The following FBLN1 variants were observed in gnomAD, a reference collection of about 807,000 sequenced individuals.
FBLN1 encodes fibulin 1.
Under a neutral mutation model 89.7 loss-of-function variants are expected in FBLN1, and 34 were observed. That is an observed-to-expected ratio of 0.38 (90% CI 0.29 to 0.50). FBLN1 has a LOEUF of 0.50. Among genes scored for constraint, FBLN1 ranks in the 20% least tolerant of loss-of-function variants. The pLI, the probability that FBLN1 is intolerant of heterozygous loss-of-function variation, is 0.92. For missense variants in FBLN1, 777 were observed against 988.1 expected (o/e 0.79, Z 2.86); for synonymous variants, 393 against 391.3 (o/e 1.00, Z -0.05).
At chr22:45,518,153 G>GA (rs897982021) in intron 1 of FBLN1, among the ~76,000 whole-genome samples, 1 of 149,114 alleles carries the variant, frequency 6.7e-6, no homozygotes, top group African/African-American at 2.5e-5. Context: ...GAAAAAAAAA[G>GA]AAAATTTTTT....
rs972919276 is a variant in FBLN1 at position 45,600,225 on chromosome 22, T to C, written c.1973-82T>C. ...CTATGCCTCCTTCTAGCTCTGAAACTCCTCAAGGGAAACCATTTCCCAGAT... is the reference window on the plus strand; with the variant it reads ...CTATGCCTCCTTCTAGCTCTGAAACCCCTCAAGGGAAACCATTTCCCAGAT... On this transcript the variant is annotated intron_variant, in intron 16 of 16. Coordinates refer to ENST00000327858, the MANE Select transcript of FBLN1 (RefSeq NM_006486.3). 16 of 1,566,638 alleles carry C rather than the reference T, an allele frequency of 1.0e-5. No individual in the cohort carries two copies. In the South Asian group the frequency reaches 1.6e-4, roughly 15 times the overall value.
In FBLN1 at chr22:45,532,749, T is replaced by G; in HGVS notation, c.545-314T>G. On this transcript the variant is annotated intron_variant, in intron 5 of 16. Coordinates refer to ENST00000327858, the MANE Select transcript of FBLN1 (RefSeq NM_006486.3). This position sits in a 1 kb window ranked among gnomAD's most constrained non-coding sequence, Gnocchi z 4.2. ...CTTCCACGTGGAGCCCACACCCCCA[T>G]GTCTGTGACCGGCAGTGAGCTCTTC... The G allele has an allele frequency of 2.2e-6, 1 of 456,554 alleles. No individual in the cohort carries two copies. Among genetic ancestry groups the G allele is most frequent in the Non-Finnish European group, 4.1e-6 (1 of 246,098 alleles). 28.3% of individuals were successfully genotyped at this position (456,554 alleles called of 1,614,324 possible). A position where few individuals can be genotyped will look rare whatever the true frequency, so the allele number is the denominator to read the frequency against.
In FBLN1 at chr22:45,588,056, A is replaced by G. The variant is rs1247618273; in HGVS notation, c.1972+10948A>G. On this transcript the variant is annotated intron_variant, in intron 16 of 16. Coordinates refer to ENST00000327858, the MANE Select transcript of FBLN1 (RefSeq NM_006486.3). This position sits in a 1 kb window ranked among gnomAD's most constrained non-coding sequence, Gnocchi z 5.1. ...GCCTCTCTCATACACTTTTTATCCCAGAGGGTAGGAGTACACGAGAAACAA... is the reference window on the plus strand; with the variant it reads ...GCCTCTCTCATACACTTTTTATCCCGGAGGGTAGGAGTACACGAGAAACAA... 1.3e-5 allele frequency among the ~76,000 whole-genome samples: 2 copies of G among 152,202 alleles called. No individual in the cohort carries two copies. Among genetic ancestry groups the G allele is most frequent in the Non-Finnish European group, 2.9e-5 (2 of 68,034 alleles).
intron 14 of FBLN1, chr22:45,558,208 C>T (rs748831837): frequency 3.6e-5 from 24 of 658,730 alleles, no homozygotes; most frequent in Non-Finnish European, 5.4e-5. Context: ...TGCTCAAGCC[C>T]GATCACGTAT....
chr22:45,535,548 T>C (rs1383460265), intron 8 of FBLN1: 7 of 594,570 alleles, frequency 1.2e-5, no homozygotes, highest in South Asian at 1.9e-5. Flanking sequence ...TCTGCTGTTA[T>C]AGTCTAAAGC....
At chr22:45,555,041 AGGACCCGTCCCCGTCTCCACCGCAGGAG>A (rs2088763132) in intron 14 of FBLN1, among the ~76,000 whole-genome samples, 2 of 140,684 alleles carry the variant, frequency 1.4e-5, no homozygotes, top group African/African-American at 6.1e-5. Flanking sequence ...GCAGGAGGTT[AGGACCCGTCCCCGTCTCCACCGCAGGAG>A]GTTAGGACCC....
At position 45,557,087 on chromosome 22, in the gene FBLN1, T is replaced by A. The variant is rs1292974689; in HGVS notation, c.1697+6472T>A. Among the ~76,000 whole-genome samples the A allele has an allele frequency of 6.6e-6, 1 of 152,164 alleles. No homozygotes were observed. Among genetic ancestry groups the A allele is most frequent in the Non-Finnish European group, 1.5e-5 (1 of 68,030 alleles). On this transcript the variant is annotated intron_variant, in intron 14 of 16. Transcript: ENST00000327858. This position sits in a 1 kb window ranked among gnomAD's most constrained non-coding sequence, Gnocchi z 4.9. ...GTGACTTCAAAAGGCCATTCCACTA[T>A]CCTATCAATCTACCTGCTTCACGAC...
chr22:45,552,827 C>T (rs1602202897), intron 14 of FBLN1, among the ~76,000 whole-genome samples: 2 of 152,224 alleles, frequency 1.3e-5, no homozygotes, highest in East Asian at 1.9e-4. Flanking sequence ...TGTTACAGTC[C>T]TGCCCACACA....
rs1041233089 is a variant in FBLN1 at position 45,536,915 on chromosome 22, G to A, written c.922+1578G>A. 2.0e-5 allele frequency among the ~76,000 whole-genome samples: 3 copies of A among 152,208 alleles called. No homozygotes were observed. The highest frequency in any genetic ancestry group is 4.4e-5 in the Non-Finnish European group (3 of 68,034). ...GTGGGGTGCGGCCGGGGAGCTGGCCGGCCTGGGTTACTGGTTCTGGAAAGA... is the reference window on the plus strand; with the variant it reads ...GTGGGGTGCGGCCGGGGAGCTGGCCAGCCTGGGTTACTGGTTCTGGAAAGA... On this transcript the variant is annotated intron_variant, in intron 8 of 16. Transcript: ENST00000327858. The surrounding 1 kb of genome is among the most constrained non-coding windows in gnomAD (Gnocchi z 5.1).
rs1383246744 is a variant in FBLN1 at position 45,561,323 on chromosome 22, T to G, written c.1697+10708T>G. Among the ~76,000 whole-genome samples the G allele has an allele frequency of 6.6e-6, 1 of 151,050 alleles. No homozygotes were observed. Among genetic ancestry groups the G allele is most frequent in the African/African-American group, 2.4e-5 (1 of 41,076 alleles). On this transcript the variant is annotated intron_variant, in intron 14 of 16. Coordinates refer to ENST00000327858, the MANE Select transcript of FBLN1 (RefSeq NM_006486.3). The surrounding 1 kb of genome is among the most constrained non-coding windows in gnomAD (Gnocchi z 4.7). The stretch of plus-strand genomic sequence containing the variant: ...GAGGCTCAGTATCTGCTTCTGAAGC[T>G]GGGAGATGGAATCCCTGAGTTCATA...
chr22:45,536,969 G>A lies in FBLN1; in HGVS notation c.922+1632G>A, dbSNP rs1004880318. On this transcript the variant is annotated intron_variant, in intron 8 of 16. Transcript: ENST00000327858. The surrounding 1 kb of genome is among the most constrained non-coding windows in gnomAD (Gnocchi z 5.1). ...GAGGTGAGTCCTGCTTTCCCCAGCC[G>A]TTGTCAGGTTAACTGCCTGGCTAGG... Among the ~76,000 whole-genome samples the A allele has an allele frequency of 7.2e-5, 11 of 152,180 alleles. No homozygotes were observed. The highest frequency in any genetic ancestry group is 1.4e-4 in the African/African-American group (6 of 41,450).
At chr22:45,544,667 G>A (rs2088603472) in intron 11 of FBLN1, among the ~76,000 whole-genome samples, 1 of 152,216 alleles carries the variant, frequency 6.6e-6, no homozygotes, top group Admixed American at 6.5e-5. Context: ...AGACAGGCAT[G>A]TCAAGGGGGC....
intron 1 of FBLN1, among the ~76,000 whole-genome samples, chr22:45,512,193 G>A (rs2088110818): frequency 6.6e-6 from 1 of 151,962 alleles, no homozygotes; most frequent in African/African-American, 2.4e-5. Context: ...GAAGAAGCAG[G>A]CGTGGCTTCG....
chr22:45,542,331 C>T (rs1312233908), intron 10 of FBLN1, 48 bp downstream of exon 10: 1 of 1,611,244 alleles, frequency 6.2e-7, no homozygotes, highest in Non-Finnish European at 8.5e-7. Context: ...CCACGTGGCA[C>T]CAGGGACACA....
intron 14 of FBLN1, among the ~76,000 whole-genome samples, chr22:45,569,149 A>T (rs1205754594): frequency 6.6e-6 from 1 of 152,182 alleles, no homozygotes; most frequent in Middle Eastern, 3.2e-3. Context: ...TCTTGGAAGG[A>T]TGTAATGCAA....
intron 16 of FBLN1, among the ~76,000 whole-genome samples, chr22:45,596,805 A>G (rs1434340833): frequency 1.3e-5 from 1 of 79,238 alleles, no homozygotes; most frequent in Admixed American, 1.1e-4. Context: ...AAATACACTT[A>G]TGTGTAAATA....
chr22:45,525,514 C>G (rs2088314626), intron 2 of FBLN1, 29 bp from the exon 3 acceptor site: 1 of 1,548,366 alleles, frequency 6.5e-7, no homozygotes, highest in African/African-American at 1.4e-5. Flanking sequence ...GCGCACAGAG[C>G]CTTGGCCCAG....
intron 2 of FBLN1, among the ~76,000 whole-genome samples, chr22:45,522,045 G>T (rs1305111373): frequency 6.6e-6 from 1 of 151,976 alleles, no homozygotes; most frequent in Admixed American, 6.5e-5. Context: ...GAGTGCAATG[G>T]CGCAATCTCA....
chr22:45,593,592 G>A (rs1224713600), intron 16 of FBLN1, among the ~76,000 whole-genome samples: 1 of 152,120 alleles, frequency 6.6e-6, no homozygotes, highest in Non-Finnish European at 1.5e-5. Context: ...CGGAAAGGTA[G>A]GAGGCAAACA....
Sources: gnomAD v4.1 joint callset for allele counts (sites outside exome capture counted in the v4.1 genomes callset) on GRCh38, gnomAD v4.1.1 for gene constraint, Gnocchi (gnomAD v3.1) non-coding constraint, MANE v1.5 for transcripts, NCBI Gene and HGNC (gene_info 2026-07-23, HGNC 2026-07-21) for gene names.